CLVS1: variants seen among roughly 807,000 people sequenced by gnomAD.
CLVS1 encodes clavesin-1.
A neutral mutation model predicts 33.1 loss-of-function variants in CLVS1; 10 were observed. The observed-to-expected ratio is 0.30, with a 90% CI of 0.19 to 0.51. The LOEUF (loss-of-function observed/expected upper bound fraction) is 0.51, where lower values mean the gene tolerates loss of function less well. Ranked by LOEUF, CLVS1 falls within the 20% of genes least tolerant of loss-of-function variation. The probability of loss-of-function intolerance (pLI) is 0.97; values close to 1 mark genes in which losing one functional copy is unlikely to be tolerated. For synonymous variants in CLVS1, 163 were observed against 166.1 expected (o/e 0.98, Z 0.14); for missense variants, 343 against 433.4 (o/e 0.79, Z 1.85).
chr8:61,381,702 T>C (rs2129601872), intron 3 of CLVS1, among the ~76,000 whole-genome samples: 1 of 152,336 alleles, frequency 6.6e-6, no homozygotes, highest in African/African-American at 2.4e-5. Flanking sequence ...TGATTTTTTG[T>C]TCCTACGTTA....
chr8:61,198,078 C>T (rs1446414022), intron 2 of CLVS1, among the ~76,000 whole-genome samples: 1 of 151,580 alleles, frequency 6.6e-6, no homozygotes. Context: ...TGGTGCTATT[C>T]TGTGTGCAGA....
the CLVS1 span, among the ~76,000 whole-genome samples, chr8:61,008,145 C>T: frequency 3.9e-5 from 6 of 152,282 alleles, no homozygotes; most frequent in African/African-American, 1.4e-4. Flanking sequence ...GGACGCAGAT[C>T]GTCATCTACT....
rs540650721 is a variant in CLVS1 at position 61,404,159 on chromosome 8, C to A, written c.630+27380C>A. Reference sequence around the variant, plus strand: ...TTTGGGGGACCTTGAAGGTCAGGCTCCTCTGGAAAAGCATCCCTTGCCAAT... The same window carrying A: ...TTTGGGGGACCTTGAAGGTCAGGCTACTCTGGAAAAGCATCCCTTGCCAAT... On this transcript the variant is annotated intron_variant, in intron 3 of 5. Transcript: ENST00000325897. Among the ~76,000 whole-genome samples the A allele has an allele frequency of 1.5e-3, 225 of 152,228 alleles. 1 individual carries two copies. Among genetic ancestry groups the A allele is most frequent in the South Asian group, 0.013 (61 of 4,816 alleles).
intron 2 of CLVS1, among the ~76,000 whole-genome samples, chr8:61,343,285 A>G (rs1485655383): frequency 6.6e-6 from 1 of 152,208 alleles, no homozygotes; most frequent in Non-Finnish European, 1.5e-5. Flanking sequence ...TTATTGGCTG[A>G]AGTTCTAGCT....
chr8:61,494,635 T>C (rs939991489), intron 5 of CLVS1, among the ~76,000 whole-genome samples: 3 of 91,778 alleles, frequency 3.3e-5, no homozygotes, highest in African/African-American at 8.3e-5. Flanking sequence ...CTAAGCACTC[T>C]GTTCAGAAGT....
At chr8:61,415,775 G>T (rs1487714600) in intron 3 of CLVS1, among the ~76,000 whole-genome samples, 1 of 152,198 alleles carries the variant, frequency 6.6e-6, no homozygotes, top group East Asian at 1.9e-4. Flanking sequence ...AATTGCACAT[G>T]TGTAATTAAC....
intron 2 of CLVS1, among the ~76,000 whole-genome samples, chr8:61,139,211 G>C (rs1038938073): frequency 6.6e-6 from 1 of 152,042 alleles, no homozygotes; most frequent in African/African-American, 2.4e-5. Flanking sequence ...TGCCAGCAGA[G>C]GGCAGCATTG....
At chr8:61,391,622 G>A (rs1028840904) in intron 3 of CLVS1, among the ~76,000 whole-genome samples, 1 of 152,192 alleles carries the variant, frequency 6.6e-6, no homozygotes, top group Admixed American at 6.5e-5. Context: ...TAACCAAGAA[G>A]ATTAAGCTAA....
At chr8:61,494,983 T>C (rs919941100) in intron 5 of CLVS1, among the ~76,000 whole-genome samples, 1 of 152,174 alleles carries the variant, frequency 6.6e-6, no homozygotes, top group East Asian at 1.9e-4. Context: ...GGCCTCACTA[T>C]CTCAGAGTTG....
intron 2 of CLVS1, among the ~76,000 whole-genome samples, chr8:61,246,633 C>T (rs1808816281): frequency 6.6e-6 from 1 of 152,130 alleles, no homozygotes; most frequent in African/African-American, 2.4e-5. Flanking sequence ...TATCTGCAGT[C>T]CTTTTCTTTA....
intron 2 of CLVS1, among the ~76,000 whole-genome samples, chr8:61,144,992 A>C (rs1806385400): frequency 6.6e-6 from 1 of 152,212 alleles, no homozygotes; most frequent in African/African-American, 2.4e-5. Context: ...TGGCCTCCCA[A>C]AGTGCTGGGA....
At position 61,416,016 on chromosome 8, in the gene CLVS1, T is replaced by C. The variant is rs1220439246; in HGVS notation, c.631-38125T>C. On this transcript the variant is annotated intron_variant, in intron 3 of 5. Transcript: ENST00000325897. ...AAGCATACGTGCATGGATGCTTTCC[T>C]GCTATGTGTGGGCTGACTGGGGGTT... 2.6e-5 allele frequency among the ~76,000 whole-genome samples: 4 copies of C among 152,310 alleles called. No homozygotes were observed. The East Asian group carries it at 7.7e-4, about 29-fold the overall frequency.
chr8:61,460,119 G>A (rs1348455104), intron 5 of CLVS1, among the ~76,000 whole-genome samples: 1 of 152,160 alleles, frequency 6.6e-6, no homozygotes, highest in Non-Finnish European at 1.5e-5. Flanking sequence ...ACTTGGGGAT[G>A]AGGAAGACTT....
At chr8:61,095,736 T>A (rs1194441930) in intron 1 of CLVS1, among the ~76,000 whole-genome samples, 1 of 152,220 alleles carries the variant, frequency 6.6e-6, no homozygotes, top group African/African-American at 2.4e-5. Flanking sequence ...GGGATCAGGA[T>A]GTTTGGTGTT....
chr8:61,145,692 T>C (rs1371752324), intron 2 of CLVS1, among the ~76,000 whole-genome samples: 1 of 152,190 alleles, frequency 6.6e-6, no homozygotes, highest in Admixed American at 6.5e-5. Flanking sequence ...CTCCAGGCTT[T>C]TCAGTTACCA....
chr8:60,975,068 G>C, the CLVS1 span, among the ~76,000 whole-genome samples: 3 of 152,072 alleles, frequency 2.0e-5, no homozygotes, highest in Non-Finnish European at 2.9e-5. Context: ...TAGGGTAATG[G>C]GTGCATATCC....
At chr8:61,465,976 T>C (rs1817535203) in intron 5 of CLVS1, among the ~76,000 whole-genome samples, 1 of 152,196 alleles carries the variant, frequency 6.6e-6, no homozygotes, top group African/African-American at 2.4e-5. Context: ...TTCCTTATTT[T>C]ATTTTATTTT....
intron 2 of CLVS1, among the ~76,000 whole-genome samples, chr8:61,254,277 G>T (rs1809022464): frequency 1.3e-5 from 2 of 152,190 alleles, no homozygotes; most frequent in East Asian, 3.9e-4. Context: ...TCTTTCCTCT[G>T]GAAGTTTTGT....
At chr8:60,986,805 G>A in the CLVS1 span, among the ~76,000 whole-genome samples, 113 of 152,250 alleles carry the variant, frequency 7.4e-4, no homozygotes, top group African/African-American at 2.4e-3. Context: ...GGGTAACATC[G>A]TACTGGGCAT....
Sources: gnomAD v4.1 joint callset for allele counts (sites outside exome capture counted in the v4.1 genomes callset) on GRCh38, gnomAD v4.1.1 for gene constraint, MANE v1.5 for transcripts, NCBI Gene and HGNC (gene_info 2026-07-23, HGNC 2026-07-21) for gene names.